The following ADAMTS17 variants were observed in gnomAD, a reference collection of about 807,000 sequenced individuals.
ADAMTS17 encodes the protein A disintegrin and metalloproteinase with thrombospondin motifs 17.
In ADAMTS17, 113 loss-of-function variants were observed where a neutral mutation model predicts 141.5. The observed-to-expected ratio is 0.80, with a 90% CI of 0.69 to 0.93. The LOEUF is 0.93. Among genes scored for constraint, ADAMTS17 ranks in the 40% least tolerant of loss-of-function variants. The pLI, the probability that ADAMTS17 is intolerant of heterozygous loss-of-function variation, is 0.00. For missense variants in ADAMTS17, 1,659 were observed against 1,517.9 expected (o/e 1.09, Z -1.54); for synonymous variants, 768 against 630.6 (o/e 1.22, Z -3.27).
At chr15:100,240,297 CT>C (rs1384496159) in intron 7 of ADAMTS17, among the ~76,000 whole-genome samples, 5 of 152,244 alleles carry the variant, frequency 3.3e-5, no homozygotes, top group Non-Finnish European at 5.9e-5. Flanking sequence ...AGCAATCTCT[CT>C]GCTGCTTCTT....
intron 8 of ADAMTS17, among the ~76,000 whole-genome samples, chr15:100,175,646 C>A (rs1179141218): frequency 6.6e-6 from 1 of 151,992 alleles, no homozygotes; most frequent in African/African-American, 2.4e-5. Context: ...TCTTTCTGGT[C>A]CCCTTTTGTC....
At chr15:100,255,715 C>T (rs2043305221) in intron 6 of ADAMTS17, among the ~76,000 whole-genome samples, 1 of 151,760 alleles carries the variant, frequency 6.6e-6, no homozygotes, top group Non-Finnish European at 1.5e-5. Context: ...GCCCCATCAT[C>T]TAAGCTGGGC....
rs1359369347 is a variant in ADAMTS17, at chr15:100,293,250, G to A, written c.617-11849C>T. 2.6e-5 allele frequency among the ~76,000 whole-genome samples: 4 copies of A among 152,058 alleles called. No individual in the cohort carries two copies. The South Asian group carries it at 6.2e-4, about 24-fold the overall frequency. On this transcript the variant is annotated intron_variant, in intron 3 of 21. Coordinates refer to ENST00000268070, the MANE Select transcript of ADAMTS17 (RefSeq NM_139057.4). The stretch of plus-strand genomic sequence containing the variant: ...TCCAAGAAAGGCCAATGACAGAGGT[G>A]GCCCAAGCTGGCAGGAAGAGGTGAG...
chr15:99,977,114 T>C (rs981064656), intron 20 of ADAMTS17, among the ~76,000 whole-genome samples: 5 of 151,872 alleles, frequency 3.3e-5, no homozygotes, highest in Non-Finnish European at 5.9e-5. Context: ...GGATTGGGGC[T>C]TAGAATTAAG....
chr15:100,220,684 C>T (rs575192152), intron 7 of ADAMTS17, among the ~76,000 whole-genome samples: 9 of 152,292 alleles, frequency 5.9e-5, no homozygotes, highest in African/African-American at 2.2e-4. Flanking sequence ...ACTTCCTCCT[C>T]CCCGAGCCCC....
At position 99,980,433 on chromosome 15, in the gene ADAMTS17, G is replaced by A. The variant is rs191435530; in HGVS notation, c.2950-4211C>T. On this transcript the variant is annotated intron_variant, in intron 20 of 21. Coordinates refer to ENST00000268070, the MANE Select transcript of ADAMTS17 (RefSeq NM_139057.4). ...TTCTCGGGCCATTGGCCACAGTGCC[G>A]CCTCTACTGCAAAACATGTACCCAG... 539 of 152,370 alleles carry A rather than the reference G, an allele frequency of 3.5e-3. 5 individuals are homozygous for A. Among genetic ancestry groups the A allele is most frequent in the Non-Finnish European group, 5.9e-3 (399 of 68,062 alleles). 9.4% of individuals were successfully genotyped at this position (152,370 alleles called of 1,614,324 possible). A position where few individuals can be genotyped will look rare whatever the true frequency, so the allele number is the denominator to read the frequency against.
chr15:100,113,244 G>A (rs909003493), intron 13 of ADAMTS17, among the ~76,000 whole-genome samples: 22 of 152,128 alleles, frequency 1.4e-4, no homozygotes, highest in Non-Finnish European at 7.3e-5. Flanking sequence ...CGTGGTTGAC[G>A]GATCCCAAAG....
At position 100,053,766 on chromosome 15, in the gene ADAMTS17, C is replaced by T. The variant is rs142883167; in HGVS notation, c.2295+131G>A. On this transcript the variant is annotated intron_variant, in intron 16 of 21. Coordinates refer to ENST00000268070, the MANE Select transcript of ADAMTS17 (RefSeq NM_139057.4). ...GGGGAGAGGACTGAGCAGCAGGGGA[C>T]GGCATAAACCCCTGGAAGCCAGATG... The T allele has an allele frequency of 3.5e-4, 460 of 1,318,402 alleles. 1 individual carries two copies. Among genetic ancestry groups the T allele is most frequent in the African/African-American group, 2.9e-3 (204 of 69,162 alleles). 81.7% of individuals were successfully genotyped at this position (1,318,402 alleles called of 1,614,324 possible). A position where few individuals can be genotyped will look rare whatever the true frequency, so the allele number is the denominator to read the frequency against.
intron 7 of ADAMTS17, among the ~76,000 whole-genome samples, chr15:100,239,047 G>A (rs1030256068): frequency 2.0e-5 from 3 of 152,162 alleles, no homozygotes; most frequent in East Asian, 3.9e-4. Context: ...CCGAGATCAC[G>A]CCACTGCACT....
At chr15:100,006,801 T>C (rs1478526353) in intron 18 of ADAMTS17, among the ~76,000 whole-genome samples, 2 of 152,184 alleles carry the variant, frequency 1.3e-5, no homozygotes, top group Non-Finnish European at 2.9e-5. Flanking sequence ...TGTATGTGAT[T>C]CTCTGAGCAT....
intron 11 of ADAMTS17, among the ~76,000 whole-genome samples, chr15:100,132,885 G>A (rs902262117): frequency 2.0e-5 from 3 of 152,162 alleles, no homozygotes; most frequent in African/African-American, 2.4e-5. Flanking sequence ...TTATTTTTAC[G>A]AGAGCCTACT....
At chr15:100,234,530 C>T (rs548812359) in intron 7 of ADAMTS17, among the ~76,000 whole-genome samples, 3 of 152,324 alleles carry the variant, frequency 2.0e-5, no homozygotes, top group Non-Finnish European at 2.9e-5. Flanking sequence ...CAATTCCCTC[C>T]AACTTTCCCA....
intron 15 of ADAMTS17, among the ~76,000 whole-genome samples, chr15:100,058,226 A>G (rs1480563888): frequency 7.7e-5 from 1 of 13,064 alleles, no homozygotes; most frequent in Non-Finnish European, 2.1e-4. Context: ...CGGCTCCAAC[A>G]CTCCTATCCC....
At position 100,287,149 on chromosome 15, in the gene ADAMTS17, C is replaced by T. The variant is rs139422075; in HGVS notation, c.617-5748G>A. ...GTTGCAGTGAGCCAAGATCACGCCA[C>T]CACACTCCAGCCTGGTGACACAGCA... On this transcript the variant is annotated intron_variant, in intron 3 of 21. Transcript: ENST00000268070. Among the ~76,000 whole-genome samples, 421 of 152,224 alleles carry T rather than the reference C, an allele frequency of 2.8e-3. 6 individuals are homozygous for T. The highest frequency in any genetic ancestry group is 9.8e-3 in the African/African-American group (408 of 41,522).
chr15:100,247,231 T>G (rs921235461), intron 7 of ADAMTS17, among the ~76,000 whole-genome samples: 1 of 152,036 alleles, frequency 6.6e-6, no homozygotes, highest in African/African-American at 2.4e-5. Flanking sequence ...ACAGTTGAAA[T>G]TTGCCTTCTG....
intron 8 of ADAMTS17, among the ~76,000 whole-genome samples, chr15:100,161,323 C>T (rs573949971): frequency 1.9e-4 from 29 of 152,296 alleles, no homozygotes; most frequent in Non-Finnish European, 2.8e-4. Context: ...TGGCTCTGAC[C>T]GTACCTGTCT....
At chr15:99,982,463 G>A (rs998956649) in intron 20 of ADAMTS17, among the ~76,000 whole-genome samples, 1 of 152,206 alleles carries the variant, frequency 6.6e-6, no homozygotes, top group African/African-American at 2.4e-5. Context: ...AGGGGCTGCT[G>A]TTGAACGACA....
At chr15:100,089,061 A>C (rs1243320028) in intron 15 of ADAMTS17, among the ~76,000 whole-genome samples, 1 of 152,022 alleles carries the variant, frequency 6.6e-6, no homozygotes, top group Non-Finnish European at 1.5e-5. Flanking sequence ...CAACCTACAG[A>C]ATGAGAGAAA....
chr15:100,294,322 G>A (rs994111396), intron 3 of ADAMTS17, among the ~76,000 whole-genome samples: 5 of 152,134 alleles, frequency 3.3e-5, no homozygotes, highest in African/African-American at 9.7e-5. Flanking sequence ...AAGAGCTCCA[G>A]TCTGAACACT....
Sources: allele counts gnomAD v4.1 joint callset (sites outside exome capture counted in the v4.1 genomes callset), GRCh38; gene constraint gnomAD v4.1.1; transcripts MANE v1.5; gene names NCBI Gene and HGNC (gene_info 2026-07-23, HGNC 2026-07-21).